Variants in VPS37C observed in about 807,000 individuals in gnomAD.
VPS37C encodes VPS37C subunit of ESCRT-I.
A neutral mutation model predicts 16.1 loss-of-function variants in VPS37C; 9 were observed. The observed-to-expected ratio is 0.56, with a 90% CI of 0.34 to 0.97. The LOEUF (loss-of-function observed/expected upper bound fraction) is 0.97, where lower values mean the gene tolerates loss of function less well. Ranked by LOEUF, VPS37C falls within the 50% of genes least tolerant of loss-of-function variation. The probability of loss-of-function intolerance (pLI) is 0.02; values close to 1 mark genes in which losing one functional copy is unlikely to be tolerated. For missense variants in VPS37C, 479 were observed against 472.7 expected (o/e 1.01, Z -0.12); for synonymous variants, 207 against 206.4 (o/e 1.00, Z -0.02).
intron 1 of VPS37C, among the ~76,000 whole-genome samples, chr11:61,150,565 T>TTC: frequency 1.3e-5 from 2 of 151,290 alleles, no homozygotes; most frequent in East Asian, 3.9e-4. Flanking sequence ...TTGTTTTTTT[T>TTC]TTTTCCAAAC....
chr11:61,132,201 T>C lies in VPS37C; in HGVS notation c.687A>G (p.Pro229=). 2 of 1,501,028 alleles carry C rather than the reference T, an allele frequency of 1.3e-6. No individual in the cohort carries two copies. Among genetic ancestry groups the C allele is most frequent in the East Asian group, 2.3e-5 (1 of 42,712 alleles). The allele number at this position is 1,501,028 out of a possible 1,614,324, so 93.0% of individuals were successfully genotyped here. A position where few individuals can be genotyped will look rare whatever the true frequency, so the allele number is the denominator to read the frequency against. Residue 229 remains proline (P), a synonymous_variant, in exon 5 of 5, where the codon CCA becomes CCG. Transcript: ENST00000301765. The stretch of plus-strand genomic sequence containing the variant: ...TGTAGAAGGAGGGCTGGGACACTAC[T>C]GGGAAAGGGGCCGGTGGCAGGGCTC... ...AHGALPPAPF[P]VVSQPSFYSG...
Position 61,131,441 on chromosome 11 carries a change from C to T in VPS37C, c.*379G>A, listed in dbSNP as rs1266183269. The T allele has an allele frequency of 1.1e-5, 2 of 183,812 alleles. No individual in the cohort carries two copies. The highest frequency in any genetic ancestry group is 1.3e-4 in the East Asian group (1 of 7,660). The allele number at this position is 183,812 out of a possible 1,614,324, so 11.4% of individuals were successfully genotyped here. A position where few individuals can be genotyped will look rare whatever the true frequency, so the allele number is the denominator to read the frequency against. On this transcript the variant is annotated 3_prime_UTR_variant, in exon 5 of 5. Transcript: ENST00000301765. ...CAGGGGAGATGGAGGGGGCTGGAGA[C>T]CCGGGGCCTCCTCATAGAGATAACT... is the stretch of plus-strand genomic sequence containing the variant.
chr11:61,142,822 G>A (rs1441986929), intron 1 of VPS37C, among the ~76,000 whole-genome samples: 16 of 102,730 alleles, frequency 1.6e-4, no homozygotes, highest in Non-Finnish European at 2.8e-4. Flanking sequence ...GGGAGGGGGG[G>A]AGGGGTAGCA....
intron 1 of VPS37C, among the ~76,000 whole-genome samples, chr11:61,159,334 C>A (rs1300212947): frequency 6.6e-6 from 1 of 152,202 alleles, no homozygotes; most frequent in African/African-American, 2.4e-5. Context: ...TTTCTGGGCC[C>A]TCCTCCAGAC....
At chr11:61,150,900 CCT>C (rs1853288556) in intron 1 of VPS37C, among the ~76,000 whole-genome samples, 2 of 152,154 alleles carry the variant, frequency 1.3e-5, no homozygotes, top group African/African-American at 4.8e-5. Flanking sequence ...TGTGACAGGC[CCT>C]GCGTCTGAGG....
rs759251755 is a variant in VPS37C at position 61,132,425 on chromosome 11, C to T, written c.463G>A (p.Glu155Lys). The change falls in exon 5 of 5, where the codon GAA becomes AAA. Residue 155 changes from glutamate to lysine, a missense_variant. Glu to Lys is a moderately conservative substitution (Grantham distance 56). Transcript: ENST00000301765. ...GAAGCCCTGGGCTTCCTCACCACTT[C>T]CTGGAGCTTTTCCACGCGAACCCGG... ...LRRVRVEKLQ[E>K]VVRKPRASQE... is the part of the protein sequence containing the mutation. The T allele has an allele frequency of 1.2e-6, 2 of 1,611,296 alleles. No individual in the cohort carries two copies. Among genetic ancestry groups the T allele is most frequent in the East Asian group, 2.2e-5 (1 of 44,798 alleles).
At chr11:61,147,130 T>C (rs1371083617) in intron 1 of VPS37C, among the ~76,000 whole-genome samples, 1 of 151,950 alleles carries the variant, frequency 6.6e-6, no homozygotes, top group East Asian at 1.9e-4. Context: ...TGCCATATCC[T>C]CTATGGGAGA....
chr11:61,153,831 G>T (rs1013067480), intron 1 of VPS37C, among the ~76,000 whole-genome samples: 24 of 152,166 alleles, frequency 1.6e-4, no homozygotes, highest in African/African-American at 5.8e-4. Flanking sequence ...GAAACCTACA[G>T]AGGGTCCCCC....
chr11:61,157,834 C>T (rs745350459), intron 1 of VPS37C, among the ~76,000 whole-genome samples: 1 of 152,236 alleles, frequency 6.6e-6, no homozygotes, highest in Non-Finnish European at 1.5e-5. Context: ...GTTTAGGTCA[C>T]AGGACAGATC....
At chr11:61,143,100 CAG>C (rs1861501757) in intron 1 of VPS37C, among the ~76,000 whole-genome samples, 1 of 149,878 alleles carries the variant, frequency 6.7e-6, no homozygotes, top group Admixed American at 6.7e-5. Flanking sequence ...ATCTGTAAAA[CAG>C]AGCGGCGTGC....
chr11:61,155,461 T>C (rs989654338), intron 1 of VPS37C, among the ~76,000 whole-genome samples: 22 of 152,214 alleles, frequency 1.4e-4, no homozygotes, highest in East Asian at 5.8e-4. Flanking sequence ...ATCACGCCAC[T>C]GCACTCTGGC....
chr11:61,158,106 A>G (rs981440470), intron 1 of VPS37C, among the ~76,000 whole-genome samples: 2 of 152,254 alleles, frequency 1.3e-5, no homozygotes, highest in Non-Finnish European at 2.9e-5. Context: ...ATCCAGCTTC[A>G]GGTATTCCTT....
At chr11:61,159,720 AAATAAATAAATAAATAAAT>A (rs951564282) in intron 1 of VPS37C, among the ~76,000 whole-genome samples, 2 of 81,344 alleles carry the variant, frequency 2.5e-5, no homozygotes, top group African/African-American at 4.3e-5. Flanking sequence ...TCTCAAAAAA[AAATAAATAAATAAATAAAT>A]AAAAAATACA....
intron 1 of VPS37C, among the ~76,000 whole-genome samples, chr11:61,148,042 A>G (rs1487811371): frequency 6.6e-6 from 1 of 152,184 alleles, no homozygotes; most frequent in Non-Finnish European, 1.5e-5. Flanking sequence ...CGAACAGCCC[A>G]AAAAGAGCTT....
chr11:61,139,629 C>A (rs1374289983), intron 1 of VPS37C, among the ~76,000 whole-genome samples: 2 of 152,098 alleles, frequency 1.3e-5, no homozygotes, highest in African/African-American at 4.8e-5. Context: ...AGGAGGGAAC[C>A]CCAGGGACTG....
chr11:61,142,237 A>G (rs560222948), intron 1 of VPS37C, among the ~76,000 whole-genome samples: 22 of 152,222 alleles, frequency 1.4e-4, no homozygotes, highest in Non-Finnish European at 2.4e-4. Context: ...AAAGTGGAAG[A>G]AAAATTTTTT....
At chr11:61,150,637 C>A (rs569994475) in intron 1 of VPS37C, among the ~76,000 whole-genome samples, 1 of 150,156 alleles carries the variant, frequency 6.7e-6, no homozygotes, top group African/African-American at 2.4e-5. Context: ...TCTGGGCAAA[C>A]AGGTCGGGGG....
intron 1 of VPS37C, among the ~76,000 whole-genome samples, chr11:61,154,579 T>C (rs973905316): frequency 6.6e-6 from 1 of 151,564 alleles, no homozygotes; most frequent in Non-Finnish European, 1.5e-5. Flanking sequence ...CAGAGAGCTA[T>C]GGAGCAACCT....
intron 1 of VPS37C, among the ~76,000 whole-genome samples, chr11:61,159,887 T>TC (rs1853441127): frequency 1.1e-5 from 1 of 94,616 alleles, no homozygotes. Flanking sequence ...GGGCGACAGA[T>TC]CAAGACTCCG....
Sources: allele counts gnomAD v4.1 joint callset (sites outside exome capture counted in the v4.1 genomes callset), GRCh38; gene constraint gnomAD v4.1.1; transcripts MANE v1.5; gene names NCBI Gene and HGNC (gene_info 2026-07-23, HGNC 2026-07-21).